OPCML: variants seen among roughly 807,000 people sequenced by gnomAD.
OPCML encodes the protein opioid-binding protein/cell adhesion molecule.
Under a neutral mutation model 37.8 loss-of-function variants are expected in OPCML, and 13 were observed. The observed-to-expected ratio is 0.34, with a 90% CI of 0.22 to 0.55. OPCML has a LOEUF of 0.55. OPCML is among the 20% of genes least tolerant of loss of function. The pLI is 0.91. For missense variants in OPCML, 341 were observed against 435.6 expected (o/e 0.78, Z 1.93); for synonymous variants, 176 against 168.8 (o/e 1.04, Z -0.33).
At chr11:133,340,509 G>A (rs546774457) in intron 1 of OPCML, among the ~76,000 whole-genome samples, 7 of 137,172 alleles carry the variant, frequency 5.1e-5, no homozygotes, top group East Asian at 1.9e-4. Context: ...AATTAACACC[G>A]TGTGTGTGTA....
intron 2 of OPCML, among the ~76,000 whole-genome samples, chr11:132,840,458 T>C (rs919081596): frequency 6.6e-6 from 1 of 152,130 alleles, no homozygotes; most frequent in South Asian, 2.1e-4. Flanking sequence ...CTCATTCTCA[T>C]TCATATTGGC....
intron 2 of OPCML, among the ~76,000 whole-genome samples, chr11:132,842,352 G>A (rs958495663): frequency 6.6e-6 from 1 of 152,248 alleles, no homozygotes; most frequent in South Asian, 2.1e-4. Flanking sequence ...CTGTATTAAC[G>A]GGAACTCAGG....
At chr11:133,334,629 A>G (rs1943701203) in intron 1 of OPCML, among the ~76,000 whole-genome samples, 1 of 152,252 alleles carries the variant, frequency 6.6e-6, no homozygotes, top group African/African-American at 2.4e-5. Context: ...CTTCACATGG[A>G]CTTCCAAACC....
chr11:133,302,762 C>T (rs1282229235), intron 1 of OPCML: 5 of 152,088 alleles, frequency 3.3e-5, no homozygotes, highest in Non-Finnish European at 7.4e-5. Flanking sequence ...CTCGAGGTAA[C>T]GTGAAAATTT....
chr11:132,874,898 C>T (rs749777942), intron 2 of OPCML, among the ~76,000 whole-genome samples: 1 of 152,070 alleles, frequency 6.6e-6, no homozygotes, highest in Non-Finnish European at 1.5e-5. Context: ...ACTAAAAAGG[C>T]CTTTATTCAT....
rs140818768 is a variant in OPCML, at chr11:133,099,708, T to A, written c.62-156698A>T. On this transcript the variant is annotated intron_variant, in intron 1 of 7. Coordinates refer to ENST00000524381, the MANE Select transcript of OPCML (RefSeq NM_001012393.5). Reference sequence around the variant, plus strand: ...TTTTCATATGCCTGTTGGATGCATGTCTGTCTTCTTTTGAGAACTGTCTGT... The same window carrying A: ...TTTTCATATGCCTGTTGGATGCATGACTGTCTTCTTTTGAGAACTGTCTGT... 2.0e-3 allele frequency among the ~76,000 whole-genome samples: 308 copies of A among 152,278 alleles called. 2 individuals carry two copies. Among genetic ancestry groups the A allele is most frequent in the African/African-American group, 6.9e-3 (288 of 41,560 alleles).
intron 1 of OPCML, among the ~76,000 whole-genome samples, chr11:132,981,193 C>A (rs1365489808): frequency 6.6e-6 from 1 of 152,192 alleles, no homozygotes; most frequent in Non-Finnish European, 1.5e-5. Context: ...GTGCTAGGCA[C>A]CAGGCAGGAT....
intron 1 of OPCML, among the ~76,000 whole-genome samples, chr11:133,030,725 T>C (rs562319625): frequency 6.6e-6 from 1 of 152,296 alleles, no homozygotes; most frequent in South Asian, 2.1e-4. Flanking sequence ...ATTTTAGATT[T>C]TAAAAGGCTA....
At chr11:132,855,138 C>A (rs948366005) in intron 2 of OPCML, among the ~76,000 whole-genome samples, 4 of 152,156 alleles carry the variant, frequency 2.6e-5, no homozygotes, top group African/African-American at 9.7e-5. Flanking sequence ...GGTCAAAGAT[C>A]TGTTCCTATG....
At chr11:132,900,332 A>C (rs1944008955) in intron 2 of OPCML, among the ~76,000 whole-genome samples, 1 of 152,128 alleles carries the variant, frequency 6.6e-6, no homozygotes, top group Non-Finnish European at 1.5e-5. Context: ...GCAGTCTATC[A>C]CCAAGTCTCA....
At chr11:133,521,988 G>C (rs1948406480) in intron 1 of OPCML, among the ~76,000 whole-genome samples, 2 of 152,180 alleles carry the variant, frequency 1.3e-5, no homozygotes, top group South Asian at 4.1e-4. Flanking sequence ...TTCTACATTT[G>C]TCTACAGCTC....
intron 2 of OPCML, among the ~76,000 whole-genome samples, chr11:132,868,562 A>T (rs554956766): frequency 6.6e-6 from 1 of 152,190 alleles, no homozygotes; most frequent in South Asian, 2.1e-4. Flanking sequence ...GGGTTGTCCT[A>T]GTGAAGTGTG....
chr11:132,775,517 T>C (rs1946779724), intron 2 of OPCML, among the ~76,000 whole-genome samples: 1 of 152,210 alleles, frequency 6.6e-6, no homozygotes, highest in African/African-American at 2.4e-5. Flanking sequence ...ACTGCATGCA[T>C]GTGGCATCTG....
chr11:132,469,783 TGTGTGTGTGGAGGG>T (rs1330811473), intron 4 of OPCML, among the ~76,000 whole-genome samples: 5 of 101,446 alleles, frequency 4.9e-5, no homozygotes, highest in African/African-American at 1.5e-4. Context: ...TGTGGAGGGG[TGTGTGTGTGGAGGG>T]GTGTGTGTGT....
chr11:133,003,809 A>G (rs1399476046), intron 1 of OPCML: 1 of 985,286 alleles, frequency 1.0e-6, no homozygotes, highest in East Asian at 1.1e-4. Flanking sequence ...GGCCCAACAC[A>G]CAATTTCTCC....
chr11:133,409,526 C>T (rs549547119), intron 1 of OPCML, among the ~76,000 whole-genome samples: 21 of 152,258 alleles, frequency 1.4e-4, no homozygotes, highest in Admixed American at 5.9e-4. Flanking sequence ...TAATCACTAC[C>T]GCTGAGCTCC....
intron 1 of OPCML, among the ~76,000 whole-genome samples, chr11:133,373,586 C>T (rs1944733036): frequency 6.6e-6 from 1 of 150,540 alleles, no homozygotes; most frequent in African/African-American, 2.4e-5. Flanking sequence ...GATCACGCCA[C>T]TGTACTCCAG....
intron 1 of OPCML, among the ~76,000 whole-genome samples, chr11:133,455,837 A>G (rs966430517): frequency 6.6e-6 from 1 of 152,206 alleles, no homozygotes; most frequent in African/African-American, 2.4e-5. Flanking sequence ...ACTGAAAAAA[A>G]GCCACAGTCA....
intron 1 of OPCML, among the ~76,000 whole-genome samples, chr11:133,426,019 T>C (rs1379802596): frequency 6.6e-6 from 1 of 152,194 alleles, no homozygotes; most frequent in Non-Finnish European, 1.5e-5. Context: ...AGACTCCTCA[T>C]ATACTTTTGT....
Sources: allele counts gnomAD v4.1 joint callset (sites outside exome capture counted in the v4.1 genomes callset), GRCh38; gene constraint gnomAD v4.1.1; transcripts MANE v1.5; gene names NCBI Gene and HGNC (gene_info 2026-07-23, HGNC 2026-07-21).